Variants in FAM83B observed in about 807,000 individuals in gnomAD.
FAM83B encodes the protein scaffolding CK1 anchoring protein B.
Under a neutral mutation model 38.8 loss-of-function variants are expected in FAM83B, and 26 were observed. The observed-to-expected ratio is 0.67, with a 90% CI of 0.49 to 0.93. The LOEUF is 0.93. FAM83B is among the 40% of genes least tolerant of loss of function. FAM83B has a pLI of 0.00. For synonymous variants in FAM83B, 419 were observed against 423.1 expected (o/e 0.99, Z 0.12); for missense variants, 1,237 against 1,197.3 (o/e 1.03, Z -0.49).
intron 2 of FAM83B, among the ~76,000 whole-genome samples, chr6:54,913,245 A>G (rs934059550): frequency 6.6e-6 from 1 of 152,082 alleles, no homozygotes; most frequent in Non-Finnish European, 1.5e-5. Context: ...GGCTTGAGAA[A>G]TGTGAAACAC....
At chr6:54,901,529 A>C (rs1772660688) in intron 2 of FAM83B, among the ~76,000 whole-genome samples, 1 of 152,204 alleles carries the variant, frequency 6.6e-6, no homozygotes, top group East Asian at 1.9e-4. Flanking sequence ...GAGATGCAGC[A>C]TTGCTATGAT....
chr6:54,891,730 A>C (rs1057475879), intron 2 of FAM83B, among the ~76,000 whole-genome samples: 3 of 152,196 alleles, frequency 2.0e-5, no homozygotes, highest in African/African-American at 7.2e-5. Flanking sequence ...CTAGATGCCA[A>C]GACTACAGTA....
intron 4 of FAM83B, among the ~76,000 whole-genome samples, chr6:54,937,830 G>GCC (rs1773557216): frequency 6.6e-6 from 1 of 152,024 alleles, no homozygotes; most frequent in Non-Finnish European, 1.5e-5. Flanking sequence ...ACGAAGTTTT[G>GCC]ACACAGATGT....
intron 2 of FAM83B, among the ~76,000 whole-genome samples, chr6:54,873,349 C>T (rs1771907873): frequency 6.6e-6 from 1 of 152,114 alleles, no homozygotes; most frequent in South Asian, 2.1e-4. Context: ...GTTATTGACC[C>T]CATTTTTAAA....
At chr6:54,873,227 A>G (rs929860653) in intron 2 of FAM83B, among the ~76,000 whole-genome samples, 3 of 152,026 alleles carry the variant, frequency 2.0e-5, no homozygotes, top group African/African-American at 7.2e-5. Flanking sequence ...ATTGAAGTCA[A>G]ATTGGTTATC....
chr6:54,873,415 G>C (rs952224088), intron 2 of FAM83B, among the ~76,000 whole-genome samples: 2 of 152,046 alleles, frequency 1.3e-5, no homozygotes, highest in Admixed American at 1.3e-4. Flanking sequence ...ATTTTTAAAA[G>C]AACAAATATG....
intron 2 of FAM83B, among the ~76,000 whole-genome samples, chr6:54,878,423 G>A (rs1280473791): frequency 6.6e-6 from 1 of 152,204 alleles, no homozygotes; most frequent in African/African-American, 2.4e-5. Context: ...TGAGTAAAGG[G>A]AGCTGAGAGT....
intron 2 of FAM83B, among the ~76,000 whole-genome samples, chr6:54,918,848 TTCCAGCATCCCC>T (rs1031186547): frequency 3.3e-5 from 5 of 152,182 alleles, no homozygotes; most frequent in Non-Finnish European, 7.3e-5. Context: ...CCTCTCTGTC[TTCCAGCATCCCC>T]TCAAATGGTG....
At chr6:54,863,254 C>T (rs1771628638) in intron 1 of FAM83B, among the ~76,000 whole-genome samples, 1 of 152,098 alleles carries the variant, frequency 6.6e-6, no homozygotes, top group South Asian at 2.1e-4. Context: ...CAACAAAAAC[C>T]CAAAATAGAG....
rs148160958 is a variant in FAM83B, at chr6:54,892,157, A to G, written c.444+21467A>G. On this transcript the variant is annotated intron_variant, in intron 2 of 4. Transcript: ENST00000306858. Reference sequence around the variant, plus strand: ...CACTGATAATGTCATTCTTTTCTAAATATAAATCTCTGTGTCTTTGCATTC... The same window carrying G: ...CACTGATAATGTCATTCTTTTCTAAGTATAAATCTCTGTGTCTTTGCATTC... Among the ~76,000 whole-genome samples, 338 of 152,286 alleles carry G rather than the reference A, an allele frequency of 2.2e-3. 3 individuals carry two copies. Among genetic ancestry groups the G allele is most frequent in the African/African-American group, 7.7e-3 (322 of 41,562 alleles).
At chr6:54,894,229 T>G (rs1389162968) in intron 2 of FAM83B, among the ~76,000 whole-genome samples, 2 of 152,244 alleles carry the variant, frequency 1.3e-5, no homozygotes, top group Non-Finnish European at 1.5e-5. Context: ...GTCCATTGAT[T>G]TAAGTGGTTC....
chr6:54,855,235 T>A (rs1771421417), intron 1 of FAM83B, among the ~76,000 whole-genome samples: 1 of 152,224 alleles, frequency 6.6e-6, no homozygotes, highest in African/African-American at 2.4e-5. Context: ...GATTAAAGAC[T>A]AGAATTATTA....
chr6:54,875,734 G>C (rs1771975774), intron 2 of FAM83B, among the ~76,000 whole-genome samples: 1 of 99,034 alleles, frequency 1.0e-5, no homozygotes, highest in South Asian at 3.4e-4. Flanking sequence ...AGGGGAAGAG[G>C]GAAGGTGGAA....
chr6:54,905,915 A>G (rs1772767713), intron 2 of FAM83B, among the ~76,000 whole-genome samples: 1 of 152,030 alleles, frequency 6.6e-6, no homozygotes, highest in Admixed American at 6.6e-5. Flanking sequence ...TAGAAGAACA[A>G]AATCCCACTA....
chr6:54,906,916 A>C (rs1353542372), intron 2 of FAM83B, among the ~76,000 whole-genome samples: 1 of 152,172 alleles, frequency 6.6e-6, no homozygotes, highest in African/African-American at 2.4e-5. Context: ...TCTTTTGTCT[A>C]ATATATATTT....
intron 1 of FAM83B, among the ~76,000 whole-genome samples, chr6:54,863,532 A>C (rs1433232553): frequency 1.5e-5 from 1 of 67,478 alleles, no homozygotes; most frequent in South Asian, 4.7e-4. Flanking sequence ...CATCTTACCA[A>C]CTATGCCGCT....
At chr6:54,915,853 A>G (rs950562053) in intron 2 of FAM83B, among the ~76,000 whole-genome samples, 11 of 150,710 alleles carry the variant, frequency 7.3e-5, no homozygotes, top group Non-Finnish European at 1.6e-4. Context: ...TCACATTTCT[A>G]ACTCATCCTA....
Position 54,942,367 on chromosome 6 carries a change from C to T in FAM83B, c.*360C>T, listed in dbSNP as rs556072339. The stretch of plus-strand genomic sequence containing the variant: ...TTTCCTTTTAAAAAGGTCATACTAC[C>T]CTCAGTAACCCTTTATAACATGTGT... On this transcript the variant is annotated 3_prime_UTR_variant, in exon 5 of 5. Transcript: ENST00000306858. 1.7e-4 allele frequency among the ~76,000 whole-genome samples: 26 copies of T among 151,976 alleles called. No individual in the cohort carries two copies. Among genetic ancestry groups the T allele is most frequent in the Admixed American group, 1.2e-3 (18 of 15,254 alleles).
rs549511954 is a variant in FAM83B at position 54,942,795 on chromosome 6, C to A, written c.*788C>A. Among the ~76,000 whole-genome samples, 5 of 151,580 alleles carry A rather than the reference C, an allele frequency of 3.3e-5. No individual in the cohort carries two copies. In the South Asian group the frequency reaches 6.2e-4, roughly 19 times the overall value. ...GAATTTAGAAAATCTGAATGATTCC[C>A]CCTCCTTTTTCTATTGTATAAAAGC... On this transcript the variant is annotated 3_prime_UTR_variant, in exon 5 of 5. Coordinates refer to ENST00000306858, the MANE Select transcript of FAM83B (RefSeq NM_001010872.3).
Sources: gnomAD v4.1 joint callset for allele counts (sites outside exome capture counted in the v4.1 genomes callset) on GRCh38, gnomAD v4.1.1 for gene constraint, MANE v1.5 for transcripts, NCBI Gene and HGNC (gene_info 2026-07-23, HGNC 2026-07-21) for gene names.